Variants in CSNK2A2IP observed in about 807,000 individuals in gnomAD.
The protein encoded by CSNK2A2IP is casein kinase 2 subunit alpha' interacting protein, also known as casein kinase II subunit alpha'-interacting protein.
At chr3:88,393,728 G>A in the CSNK2A2IP span, among the ~76,000 whole-genome samples, 2 of 152,200 alleles carry the variant, frequency 1.3e-5, no homozygotes, top group Non-Finnish European at 2.9e-5. Flanking sequence ...AAATAAAATG[G>A]TGGAGAATGT....
At chr3:88,460,105 T>C in the CSNK2A2IP span, among the ~76,000 whole-genome samples, 1 of 152,166 alleles carries the variant, frequency 6.6e-6, no homozygotes, top group Non-Finnish European at 1.5e-5. Flanking sequence ...AAATATCTGT[T>C]TATTCAAAGT....
chr3:88,400,078 A>G, the CSNK2A2IP span, among the ~76,000 whole-genome samples: 1 of 152,216 alleles, frequency 6.6e-6, no homozygotes, highest in African/African-American at 2.4e-5. Flanking sequence ...CTTGTTTAAA[A>G]CAAATCGTAG....
the CSNK2A2IP span, chr3:88,465,265 C>T: frequency 3.0e-6 from 2 of 670,902 alleles, no homozygotes; most frequent in African/African-American, 1.9e-5. Context: ...GTAAAAGTAT[C>T]CATTTTCCAT....
At chr3:88,385,305 G>A in the CSNK2A2IP span, among the ~76,000 whole-genome samples, 1 of 141,116 alleles carries the variant, frequency 7.1e-6, no homozygotes, top group Non-Finnish European at 1.5e-5. Flanking sequence ...TCAGGAAGGA[G>A]GTGTGGTGAG....
At chr3:88,362,849 T>G in the CSNK2A2IP span, among the ~76,000 whole-genome samples, 3 of 152,174 alleles carry the variant, frequency 2.0e-5, no homozygotes, top group South Asian at 6.2e-4. Flanking sequence ...GACAAAGTCC[T>G]TTGTAGTCTT....
chr3:88,425,150 A>G, the CSNK2A2IP span, among the ~76,000 whole-genome samples: 271 of 152,150 alleles, frequency 1.8e-3, 1 homozygote, highest in Non-Finnish European at 3.2e-3. Context: ...ATTGTATATA[A>G]CACAATCATA....
chr3:88,376,648 AAACAAACAAGATCTTTCCCTTG>A, the CSNK2A2IP span, among the ~76,000 whole-genome samples: 1 of 151,832 alleles, frequency 6.6e-6, no homozygotes, highest in Non-Finnish European at 1.5e-5. Flanking sequence ...TTCAAATAAA[AAACAAACAAGATCTTTCCCTTG>A]TTCCTGCCAT....
At chr3:88,404,856 A>C in the CSNK2A2IP span, among the ~76,000 whole-genome samples, 22 of 122,662 alleles carry the variant, frequency 1.8e-4, 2 homozygotes, top group Admixed American at 1.7e-3. Flanking sequence ...ACCTTCTACC[A>C]GTCTATCTGT....
chr3:88,391,888 G>C, the CSNK2A2IP span, among the ~76,000 whole-genome samples: 1 of 152,164 alleles, frequency 6.6e-6, no homozygotes, highest in Non-Finnish European at 1.5e-5. Flanking sequence ...CAGGAAAGAT[G>C]ACTCTGAAAT....
chr3:88,444,202 C>A, the CSNK2A2IP span, among the ~76,000 whole-genome samples: 2,083 of 152,090 alleles, frequency 0.014, 40 homozygotes, highest in African/African-American at 0.048. Context: ...AAGAAATATT[C>A]TACAAAGAAC....
chr3:88,442,469 T>G, the CSNK2A2IP span, among the ~76,000 whole-genome samples: 1 of 152,180 alleles, frequency 6.6e-6, no homozygotes. Context: ...AATAGAGTTA[T>G]GAGAGAGGAA....
At chr3:88,437,041 C>T in the CSNK2A2IP span, among the ~76,000 whole-genome samples, 1 of 151,980 alleles carries the variant, frequency 6.6e-6, no homozygotes, top group Non-Finnish European at 1.5e-5. Context: ...CTTGAAATTC[C>T]TATAGGTGTT....
chr3:88,402,024 CTTT>C, the CSNK2A2IP span, among the ~76,000 whole-genome samples: 23 of 140,234 alleles, frequency 1.6e-4, no homozygotes, highest in Middle Eastern at 3.7e-3. Flanking sequence ...TCTGCTATGT[CTTT>C]TTTTTTTTTT....
At chr3:88,392,053 G>C in the CSNK2A2IP span, among the ~76,000 whole-genome samples, 1 of 152,152 alleles carries the variant, frequency 6.6e-6, no homozygotes, top group Non-Finnish European at 1.5e-5. Context: ...AGAATCAAAA[G>C]AATTTGTAGT....
the CSNK2A2IP span, among the ~76,000 whole-genome samples, chr3:88,396,873 G>C: frequency 6.6e-6 from 1 of 152,126 alleles, no homozygotes; most frequent in African/African-American, 2.4e-5. Context: ...GTGGTGGCTT[G>C]AACTAGCATG....
the CSNK2A2IP span, among the ~76,000 whole-genome samples, chr3:88,401,397 A>G: frequency 1.3e-4 from 20 of 152,226 alleles, no homozygotes; most frequent in African/African-American, 4.3e-4. Flanking sequence ...AATGAAACAG[A>G]AGCCTGTTAG....
the CSNK2A2IP span, among the ~76,000 whole-genome samples, chr3:88,367,746 T>A: frequency 2.0e-5 from 3 of 152,094 alleles, no homozygotes; most frequent in African/African-American, 7.2e-5. Flanking sequence ...ACAGAACTCC[T>A]GTGTTATCTA....
the CSNK2A2IP span, chr3:88,465,979 C>G: frequency 4.9e-6 from 6 of 1,231,498 alleles, no homozygotes; most frequent in Non-Finnish European, 5.1e-6. Flanking sequence ...GGGACCCAAA[C>G]GAAAAGCCCT....
chr3:88,402,812 G>A, the CSNK2A2IP span, among the ~76,000 whole-genome samples: 9 of 151,922 alleles, frequency 5.9e-5, no homozygotes, highest in African/African-American at 7.2e-5. Context: ...ATGATTGCAC[G>A]GAATAGAATC....
Sources: allele counts gnomAD v4.1 joint callset (sites outside exome capture counted in the v4.1 genomes callset), GRCh38; gene constraint gnomAD v4.1.1; transcripts MANE v1.5; gene names NCBI Gene and HGNC (gene_info 2026-07-23, HGNC 2026-07-21).